Variants in GPT2 observed in about 807,000 individuals in gnomAD.
The protein encoded by GPT2 is glutamic--pyruvic transaminase 2, also known as alanine aminotransferase 2.
In GPT2, 30 loss-of-function variants were observed where a neutral mutation model predicts 56.9. That is an observed-to-expected ratio of 0.53 (90% CI 0.39 to 0.72). The LOEUF is 0.72. Ranked by LOEUF, GPT2 falls within the 30% of genes least tolerant of loss-of-function variation. GPT2 has a pLI of 0.00. For missense variants in GPT2, 542 were observed against 703.4 expected, an observed-to-expected ratio of 0.77 and a Z score of 2.60; for synonymous variants, 271 against 283.1, an observed-to-expected ratio of 0.96 and a Z score of 0.43.
intron 2 of GPT2, among the ~76,000 whole-genome samples, chr16:46,895,105 C>T (rs1023418507): frequency 1.3e-5 from 2 of 152,208 alleles, no homozygotes; most frequent in East Asian, 1.9e-4. Context: ...GAGCCACTTC[C>T]GGGGCATCTT....
At position 46,931,020 on chromosome 16, in the gene GPT2, CT is replaced by C. The variant is rs950784933; in HGVS notation, c.*2024del. 1 of 152,534 alleles carries C rather than the reference CT, an allele frequency of 6.6e-6. No individual in the cohort carries two copies. The highest frequency in any genetic ancestry group is 2.4e-5 in the African/African-American group (1 of 41,454). The allele number at this position is 152,534 out of a possible 1,614,324, so 9.4% of individuals were successfully genotyped here. On this transcript the variant is annotated 3_prime_UTR_variant, in exon 12 of 12. Transcript: ENST00000340124. Reference sequence around the variant, plus strand: ...TTGAGGTCGCACTTGGAAGTTACATCTGTGAAGTTTCTGTCATTCGTCCAGA... The same window carrying C: ...TTGAGGTCGCACTTGGAAGTTACATCGTGAAGTTTCTGTCATTCGTCCAGA...
chr16:46,904,371 G>A (rs1960879507), intron 4 of GPT2, among the ~76,000 whole-genome samples: 1 of 152,190 alleles, frequency 6.6e-6, no homozygotes. Context: ...TGATCGTGCC[G>A]CTGCACACCA....
intron 2 of GPT2, among the ~76,000 whole-genome samples, chr16:46,895,160 A>G (rs1960663385): frequency 6.6e-6 from 1 of 152,078 alleles, no homozygotes; most frequent in Admixed American, 6.6e-5. Context: ...GTGGCACACT[A>G]GGGCCAGAAA....
At chr16:46,921,385 C>G (rs940294646) in intron 8 of GPT2, among the ~76,000 whole-genome samples, 2 of 152,156 alleles carry the variant, frequency 1.3e-5, no homozygotes, top group African/African-American at 4.8e-5. Flanking sequence ...GTTGGCCAGG[C>G]TAGTCTTGAA....
intron 11 of GPT2, among the ~76,000 whole-genome samples, chr16:46,927,388 G>T (rs1337944591): frequency 6.6e-6 from 1 of 152,238 alleles, no homozygotes. Flanking sequence ...AGCTGCCAGT[G>T]CCTGGAGTGG....
At chr16:46,917,868 G>A (rs1468926875) in intron 7 of GPT2, among the ~76,000 whole-genome samples, 1 of 152,186 alleles carries the variant, frequency 6.6e-6, no homozygotes, top group Non-Finnish European at 1.5e-5. Context: ...GGGCAGCAGA[G>A]AGACCCATGG....
At position 46,930,817 on chromosome 16, in the gene GPT2, C is replaced by T. The variant is rs1045853489; in HGVS notation, c.*1820C>T. ...TAAACAGCCCCTAAAAACTTTACAA[C>T]GTTTACACAGTTTTTTAAAAAGAGA... On this transcript the variant is annotated 3_prime_UTR_variant, in exon 12 of 12. Coordinates refer to ENST00000340124, the MANE Select transcript of GPT2 (RefSeq NM_133443.4). 1 of 152,570 alleles carries T rather than the reference C, an allele frequency of 6.6e-6. No individual in the cohort carries two copies. The highest frequency in any genetic ancestry group is 1.5e-5 in the Non-Finnish European group (1 of 68,028). 9.5% of individuals were successfully genotyped at this position (152,570 alleles called of 1,614,324 possible). A position where few individuals can be genotyped will look rare whatever the true frequency, so the allele number is the denominator to read the frequency against.
rs755372408 is a variant in GPT2 at position 46,918,616 on chromosome 16, C to G, written c.901-5C>G. On this transcript the variant is annotated splice_region_variant and splice_polypyrimidine_tract_variant and intron_variant, in intron 7 of 11. Transcript: ENST00000340124. ...TTGGTGACCGTCCCTGCCGTGCCCC[C>G]GCAGGTGTACCAGGACAACGTGTAC... 6.2e-7 allele frequency: 1 copy of G among 1,613,982 alleles called. No homozygotes were observed. Among genetic ancestry groups the G allele is most frequent in the Non-Finnish European group, 8.5e-7 (1 of 1,179,922 alleles).
intron 2 of GPT2, among the ~76,000 whole-genome samples, chr16:46,894,985 A>T (rs575343440): frequency 2.0e-4 from 31 of 152,020 alleles, no homozygotes; most frequent in Non-Finnish European, 1.9e-4. Context: ...ATCCTTATCC[A>T]TGTTGGCCAG....
At chr16:46,897,553 C>A in intron 2 of GPT2, 95 bp from the exon 3 acceptor site, 2 of 1,104,864 alleles carry the variant, frequency 1.8e-6, no homozygotes, top group Non-Finnish European at 2.7e-6. Context: ...CAAAATAGGG[C>A]TGTTTATTAA....
At chr16:46,890,870 G>A (rs1017188607) in intron 2 of GPT2, among the ~76,000 whole-genome samples, 3 of 152,070 alleles carry the variant, frequency 2.0e-5, no homozygotes, top group African/African-American at 7.2e-5. Flanking sequence ...GGCTTTTTTT[G>A]TTGTTGTTTG....
chr16:46,897,833 C>T, intron 3 of GPT2, 96 bp downstream of exon 3: 1 of 1,005,886 alleles, frequency 9.9e-7, no homozygotes, highest in South Asian at 1.4e-5. Context: ...GATGTCCAGG[C>T]CCTCCCAGCC....
chr16:46,901,655 C>T lies in GPT2; in HGVS notation c.442+865C>T, dbSNP rs143619386. 9.1e-4 allele frequency among the ~76,000 whole-genome samples: 138 copies of T among 152,346 alleles called. No homozygotes were observed. In the East Asian group the frequency reaches 0.024, roughly 27 times the overall value. On this transcript the variant is annotated intron_variant, in intron 4 of 11. Transcript: ENST00000340124. Reference sequence around the variant, plus strand: ...GGAGCTGAGGGTGGGGACAGATTCCCGTGGCTTGCTCAGCAGGGGAGTGGC... The same window carrying T: ...GGAGCTGAGGGTGGGGACAGATTCCTGTGGCTTGCTCAGCAGGGGAGTGGC...
intron 8 of GPT2, among the ~76,000 whole-genome samples, chr16:46,919,263 C>T (rs1399282382): frequency 6.6e-6 from 1 of 152,216 alleles, no homozygotes; most frequent in African/African-American, 2.4e-5. Context: ...GATGCCGCAG[C>T]GAACACCCTC....
At position 46,918,531 on chromosome 16, in the gene GPT2, A is replaced by G. The variant is rs1961216686; in HGVS notation, c.901-90A>G. 12 of 1,472,248 alleles carry G rather than the reference A, an allele frequency of 8.2e-6. No homozygotes were observed. The South Asian group carries it at 1.4e-4, about 17-fold the overall frequency. 91.2% of individuals were successfully genotyped at this position (1,472,248 alleles called of 1,614,324 possible). A position where few individuals can be genotyped will look rare whatever the true frequency, so the allele number is the denominator to read the frequency against. ...CTGGGCCGGCTGGGCCTCATGGCCC[A>G]CAGCACCTGTGCCCTCCCTTGCCTT... is the stretch of plus-strand genomic sequence containing the variant. On this transcript the variant is annotated intron_variant, in intron 7 of 11. Transcript: ENST00000340124.
At chr16:46,919,673 T>A (rs1961245703) in intron 8 of GPT2, among the ~76,000 whole-genome samples, 1 of 152,176 alleles carries the variant, frequency 6.6e-6, no homozygotes, top group African/African-American at 2.4e-5. Context: ...ATTGTATTTT[T>A]CACTTGTGTT....
At chr16:46,907,074 T>C in intron 5 of GPT2, 99 bp downstream of exon 5, 1 of 1,547,074 alleles carries the variant, frequency 6.5e-7, no homozygotes, top group Non-Finnish European at 8.8e-7. Context: ...GCAGGGAGGG[T>C]GGCAGCACGG....
intron 2 of GPT2, among the ~76,000 whole-genome samples, chr16:46,892,885 A>C (rs560684558): frequency 6.6e-6 from 1 of 152,322 alleles, no homozygotes; most frequent in African/African-American, 2.4e-5. Context: ...GTATCCAAGG[A>C]GGCCTTCCCT....
chr16:46,890,319 G>A (rs1486302134), intron 2 of GPT2, among the ~76,000 whole-genome samples: 1 of 152,140 alleles, frequency 6.6e-6, no homozygotes, highest in East Asian at 1.9e-4. Flanking sequence ...CCCTTTTTGG[G>A]ATCAGGAGCC....
Sources: gnomAD v4.1 joint callset for allele counts (sites outside exome capture counted in the v4.1 genomes callset) on GRCh38, gnomAD v4.1.1 for gene constraint, MANE v1.5 for transcripts, NCBI Gene and HGNC (gene_info 2026-07-23, HGNC 2026-07-21) for gene names.